The following RIMS1 variants were observed in gnomAD, a reference collection of about 807,000 sequenced individuals.
The protein encoded by RIMS1 is regulating synaptic membrane exocytosis 1.
RIMS1 carries 83 observed loss-of-function variants against 214.1 expected under a neutral mutation model. That is an observed-to-expected ratio of 0.39 (90% CI 0.32 to 0.47). The LOEUF (loss-of-function observed/expected upper bound fraction) is 0.47, where lower values mean the gene tolerates loss of function less well. Among genes scored for constraint, RIMS1 ranks in the 20% least tolerant of loss-of-function variants. The pLI is 0.99. For synonymous variants in RIMS1, 793 were observed against 786.8 expected (o/e 1.01, Z -0.13); for missense variants, 2,050 against 2,161.8 (o/e 0.95, Z 1.03).
At chr6:72,334,051 C>A (rs2096759663) in intron 29 of RIMS1, among the ~76,000 whole-genome samples, 1 of 151,620 alleles carries the variant, frequency 6.6e-6, no homozygotes, top group Non-Finnish European at 1.5e-5. Context: ...GTAAAGTGGA[C>A]AGATTTTTTA....
At chr6:72,130,789 T>C (rs568213690) in intron 4 of RIMS1, among the ~76,000 whole-genome samples, 21 of 152,136 alleles carry the variant, frequency 1.4e-4, no homozygotes, top group Non-Finnish European at 2.5e-4. Flanking sequence ...TGATATGCCT[T>C]GAGGAAAATA....
At position 72,265,990 on chromosome 6, in the gene RIMS1, GAGTGCT is replaced by G. The variant is rs1482055359; in HGVS notation, c.3343_3348del (p.Ala1115_Ser1116del). On this transcript the variant is annotated inframe_deletion, in exon 22 of 34. Transcript: ENST00000521978. The stretch of plus-strand genomic sequence containing the variant: ...TGCAGCCCTTTCTTGACAGGGCTAG[GAGTGCT>G]AGTACCAACTGCTTGAGACCAGATA... 6.3e-7 allele frequency: 1 copy of G among 1,583,132 alleles called. No homozygotes were observed. Among genetic ancestry groups the G allele is most frequent in the Non-Finnish European group, 8.6e-7 (1 of 1,163,358 alleles).
chr6:72,271,115 AAGT>A (rs2082854004), intron 22 of RIMS1, among the ~76,000 whole-genome samples: 1 of 151,406 alleles, frequency 6.6e-6, no homozygotes, highest in Non-Finnish European at 1.5e-5. Context: ...AAAATACAAA[AAGT>A]AGCCAGGCGT....
chr6:72,266,877 C>T (rs886481548), intron 22 of RIMS1, among the ~76,000 whole-genome samples: 1 of 151,714 alleles, frequency 6.6e-6, no homozygotes, highest in Non-Finnish European at 1.5e-5. Flanking sequence ...TACCTCTTTA[C>T]AAATCCTGAA....
intron 12 of RIMS1, 41 bp from the exon 13 acceptor site, chr6:72,250,289 T>A (rs1331042021): frequency 6.4e-7 from 1 of 1,573,154 alleles, no homozygotes; most frequent in Non-Finnish European, 8.6e-7. Flanking sequence ...TTGTAATGCC[T>A]CATGATTTTT....
At chr6:72,036,249 T>A (rs148950157) in intron 2 of RIMS1, among the ~76,000 whole-genome samples, 8 of 152,220 alleles carry the variant, frequency 5.3e-5, no homozygotes, top group Admixed American at 2.6e-4. Flanking sequence ...AGTTAAGGAG[T>A]TTCTTAATTT....
chr6:72,250,944 A>C lies in RIMS1; in HGVS notation c.2396A>C (p.Lys799Thr). Residue 799 changes from lysine to threonine, a missense_variant, in exon 14 of 34, where the codon AAA (lysine) becomes ACA (threonine). Physicochemically the swap from Lys to Thr is moderately conservative, Grantham distance 78. Around this residue, in one of 6 missense-constraint regions of RIMS1, gnomAD observed 889 missense variants for 885.5 expected, o/e 1.00. Transcript: ENST00000521978. The part of the protein sequence containing the change: ...DRSDKSKRRT[K>T]TVKKILEPKW... ...AGTGATAAAAGTAAAAGGAGGACCAAAACAGTAAAGAAAATACTAGAACCA... is the reference window on the plus strand; with the variant it reads ...AGTGATAAAAGTAAAAGGAGGACCACAACAGTAAAGAAAATACTAGAACCA... 6.5e-7 allele frequency: 1 copy of C among 1,529,034 alleles called. No individual in the cohort carries two copies. The highest frequency in any genetic ancestry group is 8.8e-7 in the Non-Finnish European group (1 of 1,137,258). The allele number at this position is 1,529,034 out of a possible 1,614,324, so 94.7% of individuals were successfully genotyped here.
At chr6:72,365,382 C>T (rs564322259) in intron 29 of RIMS1, among the ~76,000 whole-genome samples, 95 of 152,288 alleles carry the variant, frequency 6.2e-4, no homozygotes, top group Non-Finnish European at 1.1e-3. Flanking sequence ...TTCTGAGAGG[C>T]AGATACATTG....
chr6:71,952,702 G>A (rs1374721937), intron 1 of RIMS1, among the ~76,000 whole-genome samples: 1 of 152,178 alleles, frequency 6.6e-6, no homozygotes, highest in Non-Finnish European at 1.5e-5. Flanking sequence ...TCCCCACAGG[G>A]CTAAGTAATG....
intron 6 of RIMS1, among the ~76,000 whole-genome samples, chr6:72,230,805 A>G (rs1285310246): frequency 1.3e-5 from 2 of 151,564 alleles, no homozygotes; most frequent in Non-Finnish European, 3.0e-5. Flanking sequence ...TAAAAATTTT[A>G]AAATCGCTCA....
chr6:72,245,741 G>A (rs1012965808), intron 10 of RIMS1, 74 bp from the exon 11 acceptor site: 13 of 1,152,540 alleles, frequency 1.1e-5, no homozygotes, highest in South Asian at 2.5e-5. Flanking sequence ...TTCACATCAC[G>A]TATAATGGGC....
intron 6 of RIMS1, among the ~76,000 whole-genome samples, chr6:72,226,925 T>A (rs1159765080): frequency 1.3e-5 from 2 of 152,092 alleles, no homozygotes; most frequent in African/African-American, 2.4e-5. Flanking sequence ...TTCACAATAC[T>A]GACATATCTC....
chr6:72,154,243 TG>T (rs2044145074), intron 4 of RIMS1, among the ~76,000 whole-genome samples: 1 of 101,248 alleles, frequency 9.9e-6, no homozygotes, highest in Admixed American at 1.1e-4. Context: ...ATCTTTTGCT[TG>T]AGGTTTTTGG....
At chr6:71,891,135 C>T (rs1031413214) in intron 1 of RIMS1, among the ~76,000 whole-genome samples, 2 of 125,220 alleles carry the variant, frequency 1.6e-5, no homozygotes, top group Non-Finnish European at 3.6e-5. Context: ...TGGGGCTTCA[C>T]CTATACTCTT....
chr6:72,124,871 C>G (rs2039178983), intron 4 of RIMS1, among the ~76,000 whole-genome samples: 2 of 152,128 alleles, frequency 1.3e-5, no homozygotes, highest in South Asian at 4.1e-4. Context: ...TCTAGTTAGC[C>G]ATTCATCTAA....
intron 11 of RIMS1, 76 bp from the exon 12 acceptor site, chr6:72,247,939 A>G (rs1444673546): frequency 2.2e-6 from 2 of 922,190 alleles, no homozygotes; most frequent in East Asian, 5.0e-5. Flanking sequence ...TTATACAAAT[A>G]AAGGATGCAT....
At chr6:72,133,208 C>T (rs1284594886) in intron 4 of RIMS1, among the ~76,000 whole-genome samples, 2 of 149,724 alleles carry the variant, frequency 1.3e-5, no homozygotes, top group African/African-American at 2.4e-5. Context: ...TCATAGCTCT[C>T]TCTCTTTTTT....
chr6:71,987,380 A>G (rs1336149243), intron 2 of RIMS1, among the ~76,000 whole-genome samples: 1 of 152,168 alleles, frequency 6.6e-6, no homozygotes, highest in African/African-American at 2.4e-5. Context: ...CTATTTTCAT[A>G]TGGTGTCCTC....
chr6:72,147,064 A>G (rs1007380422), intron 4 of RIMS1, among the ~76,000 whole-genome samples: 2 of 152,190 alleles, frequency 1.3e-5, no homozygotes, highest in Non-Finnish European at 2.9e-5. Flanking sequence ...TAGCAAACCT[A>G]ATATCTGACC....
Sources: allele counts gnomAD v4.1 joint callset (sites outside exome capture counted in the v4.1 genomes callset), GRCh38; gene constraint gnomAD v4.1.1; regional missense constraint gnomAD v4.1.1; transcripts MANE v1.5; gene names NCBI Gene and HGNC (gene_info 2026-07-23, HGNC 2026-07-21).